ROBO2: variants seen among roughly 807,000 people sequenced by gnomAD.
ROBO2 encodes roundabout homolog 2.
In ROBO2, 53 loss-of-function variants were observed where a neutral mutation model predicts 160.8. The ratio of observed to expected loss-of-function variants is 0.33; its 90% CI spans 0.26 to 0.41. The LOEUF is 0.41. Among genes scored for constraint, ROBO2 ranks in the 10% least tolerant of loss-of-function variants. The probability of loss-of-function intolerance (pLI) is 1.00; values close to 1 mark genes in which losing one functional copy is unlikely to be tolerated. For missense variants in ROBO2, 1,577 were observed against 1,722.4 expected (o/e 0.92, Z 1.49); for synonymous variants, 664 against 611.7 (o/e 1.09, Z -1.26).
At chr3:76,470,239 T>C (rs1460499264) in intron 2 of ROBO2, among the ~76,000 whole-genome samples, 1 of 152,174 alleles carries the variant, frequency 6.6e-6, no homozygotes, top group African/African-American at 2.4e-5. Context: ...AGATTTAAAA[T>C]TGATAAGTGG....
chr3:77,458,826 C>CT (rs1225902912), intron 2 of ROBO2, among the ~76,000 whole-genome samples: 16 of 152,044 alleles, frequency 1.1e-4, no homozygotes, highest in Admixed American at 7.2e-4. Flanking sequence ...TAAAATATGC[C>CT]TGTTATATCT....
intron 2 of ROBO2, among the ~76,000 whole-genome samples, chr3:77,291,701 A>G (rs1478461171): frequency 6.6e-6 from 1 of 151,936 alleles, no homozygotes; most frequent in African/African-American, 2.4e-5. Context: ...AGGCTAGATC[A>G]CTAAAGACAT....
chr3:76,122,503 T>A (rs1043922004), intron 2 of ROBO2, among the ~76,000 whole-genome samples: 3 of 152,174 alleles, frequency 2.0e-5, no homozygotes, highest in South Asian at 2.1e-4. Context: ...AAAGATGCAT[T>A]TTTTGAATTT....
At position 77,596,616 on chromosome 3, in the gene ROBO2, G is replaced by A. The variant is rs760270431; in HGVS notation, c.2727-7G>A. The A allele has an allele frequency of 6.2e-7, 1 of 1,613,712 alleles. No individual in the cohort carries two copies. The highest frequency in any genetic ancestry group is 8.5e-7 in the Non-Finnish European group (1 of 1,179,774). ...ATGTGTTGATTTCCTTGTAATTTCTGTTTTAGCCGTCCAGGTCTTCTCAAT... is the reference window on the plus strand; with the variant it reads ...ATGTGTTGATTTCCTTGTAATTTCTATTTTAGCCGTCCAGGTCTTCTCAAT... On this transcript the variant is annotated splice_region_variant and splice_polypyrimidine_tract_variant and intron_variant, in intron 18 of 25. Transcript: ENST00000461745.
intron 2 of ROBO2, among the ~76,000 whole-genome samples, chr3:76,240,724 A>G (rs1326803478): frequency 6.6e-6 from 1 of 152,106 alleles, no homozygotes; most frequent in East Asian, 1.9e-4. Context: ...AATCACCAAT[A>G]GATACATATA....
intron 2 of ROBO2, among the ~76,000 whole-genome samples, chr3:77,465,843 C>A (rs893650059): frequency 3.9e-5 from 6 of 152,132 alleles, no homozygotes; most frequent in African/African-American, 9.7e-5. Flanking sequence ...CATCTTCAAG[C>A]ACATTGTTCT....
At chr3:76,140,050 G>T (rs1322817841) in intron 2 of ROBO2, among the ~76,000 whole-genome samples, 1 of 151,894 alleles carries the variant, frequency 6.6e-6, no homozygotes, top group Non-Finnish European at 1.5e-5. Flanking sequence ...GCGTCATTTT[G>T]GTTTTACCAT....
At chr3:76,965,951 T>C (rs2059269859) in intron 2 of ROBO2, among the ~76,000 whole-genome samples, 2 of 148,614 alleles carry the variant, frequency 1.3e-5, no homozygotes, top group South Asian at 4.3e-4. Context: ...AGACGGAGTT[T>C]CACTCTTGTT....
chr3:76,015,668 A>G (rs987036181), intron 2 of ROBO2, among the ~76,000 whole-genome samples: 1 of 152,216 alleles, frequency 6.6e-6, no homozygotes, highest in African/African-American at 2.4e-5. Context: ...CAGATGGCGC[A>G]CACAATCCAT....
chr3:77,494,711 T>C (rs1179208334), intron 5 of ROBO2, among the ~76,000 whole-genome samples: 4 of 152,248 alleles, frequency 2.6e-5, no homozygotes, highest in African/African-American at 9.6e-5. Context: ...ATTTCCTAAA[T>C]GTAAACATTC....
chr3:77,468,077 G>A (rs901804070), intron 2 of ROBO2, among the ~76,000 whole-genome samples: 5 of 152,094 alleles, frequency 3.3e-5, no homozygotes, highest in Non-Finnish European at 5.9e-5. Context: ...CTGTGATTTC[G>A]GAGACAGCAA....
At chr3:76,372,069 C>T (rs542353974) in intron 2 of ROBO2, among the ~76,000 whole-genome samples, 12 of 151,682 alleles carry the variant, frequency 7.9e-5, no homozygotes, top group Middle Eastern at 3.4e-3. Flanking sequence ...ATTAGGTTTA[C>T]GTGTGTTTAA....
intron 2 of ROBO2, among the ~76,000 whole-genome samples, chr3:76,278,601 C>T (rs1053353159): frequency 6.6e-6 from 1 of 151,796 alleles, no homozygotes; most frequent in Admixed American, 6.6e-5. Context: ...AAGTTTGTCC[C>T]GGCATTTATT....
chr3:75,947,418 TA>T (rs1383492855), intron 2 of ROBO2, among the ~76,000 whole-genome samples: 1 of 152,134 alleles, frequency 6.6e-6, no homozygotes, highest in Non-Finnish European at 1.5e-5. Flanking sequence ...GCTCATGAGT[TA>T]TAAGTACGTG....
At chr3:76,461,712 C>T (rs574576284) in intron 2 of ROBO2, among the ~76,000 whole-genome samples, 72 of 152,076 alleles carry the variant, frequency 4.7e-4, no homozygotes, top group Middle Eastern at 6.8e-3. Context: ...AAATGTATCA[C>T]CTATACTTTG....
In ROBO2 at chr3:75,937,099, T is replaced by C. The variant is rs552184008; in HGVS notation, c.-13-382T>C. Reference sequence around the variant, plus strand: ...CTTTTGTATATATGTAGAGATTACATGGTATGTTAAATTCATCAATTTGCC... The same window carrying C: ...CTTTTGTATATATGTAGAGATTACACGGTATGTTAAATTCATCAATTTGCC... On this transcript the variant is annotated intron_variant, in intron 1 of 26. Coordinates refer to the ROBO2 transcript ENST00000487694. Among the ~76,000 whole-genome samples, 1,025 of 152,274 alleles carry C rather than the reference T, an allele frequency of 6.7e-3. 16 individuals carry two copies. Among genetic ancestry groups the C allele is most frequent in the African/African-American group, 0.024 (992 of 41,576 alleles).
intron 2 of ROBO2, among the ~76,000 whole-genome samples, chr3:77,455,636 T>G (rs780024530): frequency 3.3e-5 from 5 of 152,100 alleles, no homozygotes; most frequent in African/African-American, 4.8e-5. Context: ...TTCACCATGT[T>G]GGCCAGGATG....
chr3:77,454,082 C>G (rs1247271283), intron 2 of ROBO2, among the ~76,000 whole-genome samples: 1 of 150,332 alleles, frequency 6.7e-6, no homozygotes, highest in African/African-American at 2.4e-5. Flanking sequence ...TAGCCTTCTT[C>G]AAGATTAGCA....
At chr3:76,665,890 T>C (rs896425963) in intron 2 of ROBO2, among the ~76,000 whole-genome samples, 2 of 125,640 alleles carry the variant, frequency 1.6e-5, no homozygotes, top group Non-Finnish European at 1.7e-5. Flanking sequence ...ATATATAATA[T>C]ATACATATTA....
Sources: allele counts gnomAD v4.1 joint callset (sites outside exome capture counted in the v4.1 genomes callset), GRCh38; gene constraint gnomAD v4.1.1; transcripts MANE v1.5; gene names NCBI Gene and HGNC (gene_info 2026-07-23, HGNC 2026-07-21).